Variants in FHIT observed in about 807,000 individuals in gnomAD.
The protein encoded by FHIT is fragile histidine triad diadenosine triphosphatase.
FHIT carries 19 observed loss-of-function variants against 17.9 expected under a neutral mutation model. The ratio of observed to expected loss-of-function variants is 1.06; its 90% CI spans 0.74 to 1.56. FHIT has a LOEUF of 1.56. Ranked by LOEUF, FHIT falls within the 40% of genes most tolerant of loss-of-function variation. The pLI is 0.00. For missense variants in FHIT, 248 were observed against 189.2 expected, an observed-to-expected ratio of 1.31 and a Z score of -1.82; for synonymous variants, 81 against 69.7, an observed-to-expected ratio of 1.16 and a Z score of -0.81.
intron 5 of FHIT, among the ~76,000 whole-genome samples, chr3:60,314,570 A>T (rs1709084799): frequency 6.6e-6 from 1 of 152,140 alleles, no homozygotes; most frequent in African/African-American, 2.4e-5. Flanking sequence ...TCAGAACTAG[A>T]CTCACATTTT....
At chr3:60,533,435 C>T (rs2107592013) in intron 5 of FHIT, among the ~76,000 whole-genome samples, 1 of 152,300 alleles carries the variant, frequency 6.6e-6, no homozygotes, top group African/African-American at 2.4e-5. Context: ...GAAGCAAAGA[C>T]TCAGTGCAGA....
chr3:60,485,598 A>G (rs2033803096), intron 5 of FHIT, among the ~76,000 whole-genome samples: 1 of 152,070 alleles, frequency 6.6e-6, no homozygotes, highest in Non-Finnish European at 1.5e-5. Flanking sequence ...TGGGAGCTGA[A>G]CAATGAGAAT....
chr3:60,718,602 T>C (rs1470257672), intron 4 of FHIT, among the ~76,000 whole-genome samples: 1 of 152,154 alleles, frequency 6.6e-6, no homozygotes. Flanking sequence ...CAGTCACTCA[T>C]GAAAAGAACA....
At chr3:60,652,990 C>T (rs911497757) in intron 4 of FHIT, among the ~76,000 whole-genome samples, 1 of 151,962 alleles carries the variant, frequency 6.6e-6, no homozygotes, top group Non-Finnish European at 1.5e-5. Context: ...TCCCCAGTTC[C>T]CATGCACACA....
intron 5 of FHIT, among the ~76,000 whole-genome samples, chr3:60,292,295 G>C (rs904115265): frequency 6.6e-6 from 1 of 152,138 alleles, no homozygotes; most frequent in African/African-American, 2.4e-5. Flanking sequence ...CTTCGAAATA[G>C]TTGAATATAA....
intron 5 of FHIT, among the ~76,000 whole-genome samples, chr3:60,450,719 A>G (rs1451144339): frequency 3.9e-5 from 6 of 152,162 alleles, no homozygotes; most frequent in Non-Finnish European, 5.9e-5. Flanking sequence ...CTCACTTATT[A>G]ATGGAAAATC....
At chr3:60,504,418 G>A (rs373829873) in intron 5 of FHIT, among the ~76,000 whole-genome samples, 7 of 141,550 alleles carry the variant, frequency 4.9e-5, no homozygotes, top group East Asian at 2.0e-4. Context: ...GCGACAGAAC[G>A]AGACCCCGTC....
rs536437630 is a variant in FHIT at position 60,584,551 on chromosome 3, T to TC, written c.-17-47573dup. ...ACTCCCTTTGGAATCCCAAATGCAT[T>TC]CCCCTTTTATATTAAATATGGTCAA... On this transcript the variant is annotated intron_variant, in intron 4 of 9. Coordinates refer to ENST00000492590, the MANE Select transcript of FHIT (RefSeq NM_002012.4). Among the ~76,000 whole-genome samples the TC allele has an allele frequency of 7.3e-4, 111 of 152,126 alleles. 2 individuals carry two copies. The East Asian group carries it at 0.021, about 29-fold the overall frequency.
chr3:59,871,089 G>A (rs898638001), intron 8 of FHIT, among the ~76,000 whole-genome samples: 3 of 152,070 alleles, frequency 2.0e-5, no homozygotes, highest in Non-Finnish European at 4.4e-5. Flanking sequence ...TCTTATCCAA[G>A]ACTGACAACT....
chr3:60,489,282 C>T (rs1016205158), intron 5 of FHIT, among the ~76,000 whole-genome samples: 1 of 152,092 alleles, frequency 6.6e-6, no homozygotes, highest in African/African-American at 2.4e-5. Context: ...TGGCAAATCT[C>T]CTTTAGAGGG....
At chr3:61,035,208 T>G (rs184239564) in intron 3 of FHIT, among the ~76,000 whole-genome samples, 1 of 152,232 alleles carries the variant, frequency 6.6e-6, no homozygotes, top group East Asian at 1.9e-4. Flanking sequence ...TGGAACTGGA[T>G]AGAGATGATG....
chr3:60,701,948 G>C (rs1487654877), intron 4 of FHIT, among the ~76,000 whole-genome samples: 4 of 152,196 alleles, frequency 2.6e-5, no homozygotes, highest in Admixed American at 2.0e-4. Context: ...GATGGAATCA[G>C]TAAGGTCAGA....
chr3:60,224,398 T>C (rs2107539631), intron 5 of FHIT, among the ~76,000 whole-genome samples: 1 of 152,352 alleles, frequency 6.6e-6, no homozygotes, highest in East Asian at 1.9e-4. Context: ...ACTTGAGTTG[T>C]GAAAAGAATT....
intron 7 of FHIT, among the ~76,000 whole-genome samples, chr3:59,996,008 G>C (rs971865535): frequency 1.9e-4 from 29 of 152,162 alleles, no homozygotes; most frequent in Admixed American, 9.2e-4. Context: ...TGTTCTTTTT[G>C]AGGGCCAGGA....
chr3:59,752,179 G>A (rs757052349), intron 9 of FHIT, 42 bp downstream of exon 9: 1 of 1,402,420 alleles, frequency 7.1e-7, no homozygotes, highest in East Asian at 2.3e-5. Context: ...CTTTCCTGAG[G>A]CCCACGGGAG....
intron 4 of FHIT, among the ~76,000 whole-genome samples, chr3:60,563,471 C>T (rs532207616): frequency 3.3e-5 from 5 of 152,220 alleles, no homozygotes; most frequent in South Asian, 2.1e-4. Context: ...AAAGTAGAAA[C>T]GATAAAGCTT....
At chr3:59,965,662 C>G (rs534985171) in intron 7 of FHIT, among the ~76,000 whole-genome samples, 1 of 152,244 alleles carries the variant, frequency 6.6e-6, no homozygotes, top group South Asian at 2.1e-4. Context: ...TAGATTTAGC[C>G]AGAACCTTCA....
chr3:60,483,361 G>A (rs1423449857), intron 5 of FHIT, among the ~76,000 whole-genome samples: 2 of 152,126 alleles, frequency 1.3e-5, no homozygotes, highest in African/African-American at 4.8e-5. Flanking sequence ...CCAAAACCAG[G>A]AGGAGACACA....
chr3:60,202,390 A>G (rs1702955082), intron 5 of FHIT, among the ~76,000 whole-genome samples: 1 of 152,186 alleles, frequency 6.6e-6, no homozygotes, highest in Admixed American at 6.5e-5. Flanking sequence ...GACTCCTTTC[A>G]AGTTCTCCTA....
Sources: allele counts gnomAD v4.1 joint callset (sites outside exome capture counted in the v4.1 genomes callset), GRCh38; gene constraint gnomAD v4.1.1; transcripts MANE v1.5; gene names NCBI Gene and HGNC (gene_info 2026-07-23, HGNC 2026-07-21).